The following ST6GALNAC3 variants were observed in gnomAD, a reference collection of about 807,000 sequenced individuals.
ST6GALNAC3 encodes alpha-N-acetylgalactosaminide alpha-2,6-sialyltransferase 3.
In ST6GALNAC3, 25 loss-of-function variants were observed where a neutral mutation model predicts 32.7. The observed-to-expected ratio is 0.76, with a 90% CI of 0.56 to 1.07. The LOEUF is 1.07. Ranked by LOEUF, ST6GALNAC3 falls within the 50% of genes least tolerant of loss-of-function variation. The pLI, the probability that ST6GALNAC3 is intolerant of heterozygous loss-of-function variation, is 0.00. For missense variants in ST6GALNAC3, 355 were observed against 382.4 expected (o/e 0.93, Z 0.60); for synonymous variants, 129 against 133.1 (o/e 0.97, Z 0.21).
intron 3 of ST6GALNAC3, among the ~76,000 whole-genome samples, chr1:76,449,442 G>GA (rs1657228159): frequency 6.6e-6 from 1 of 152,182 alleles, no homozygotes; most frequent in Non-Finnish European, 1.5e-5. Flanking sequence ...AAATACTAAA[G>GA]AATACAATTG....
At chr1:76,485,036 A>G (rs935449012) in intron 3 of ST6GALNAC3, among the ~76,000 whole-genome samples, 1 of 152,054 alleles carries the variant, frequency 6.6e-6, no homozygotes, top group African/African-American at 2.4e-5. Flanking sequence ...ATTGATTTGC[A>G]TACGTCAAAC....
chr1:76,591,319 C>T (rs1338254133), intron 3 of ST6GALNAC3, among the ~76,000 whole-genome samples: 2 of 151,972 alleles, frequency 1.3e-5, no homozygotes, highest in East Asian at 3.9e-4. Context: ...CTGTTAGCCT[C>T]CCTTCCAGTT....
chr1:76,449,904 G>C (rs546733761), intron 3 of ST6GALNAC3, among the ~76,000 whole-genome samples: 1 of 152,002 alleles, frequency 6.6e-6, no homozygotes. Flanking sequence ...TAAGATTTTG[G>C]TGCACCCATC....
chr1:76,570,274 C>A (rs1271303827), intron 3 of ST6GALNAC3, among the ~76,000 whole-genome samples: 1 of 151,946 alleles, frequency 6.6e-6, no homozygotes, highest in Non-Finnish European at 1.5e-5. Context: ...TGGTAATGGA[C>A]AATTCTTCAC....
chr1:76,316,363 G>A (rs143071972), intron 2 of ST6GALNAC3, among the ~76,000 whole-genome samples: 108 of 152,116 alleles, frequency 7.1e-4, no homozygotes, highest in African/African-American at 2.3e-3. Context: ...CCTAGTAGCC[G>A]GAACCTAGAA....
intron 1 of ST6GALNAC3, among the ~76,000 whole-genome samples, chr1:76,264,886 G>A (rs1011585048): frequency 6.7e-5 from 10 of 148,578 alleles, no homozygotes; most frequent in African/African-American, 2.3e-4. Context: ...ATGCTTGACT[G>A]TAACTCTAGT....
At chr1:76,212,957 T>C (rs917547877) in intron 1 of ST6GALNAC3, among the ~76,000 whole-genome samples, 4 of 152,226 alleles carry the variant, frequency 2.6e-5, no homozygotes, top group Admixed American at 2.6e-4. Flanking sequence ...CGTTCTGTGC[T>C]GGAAACATTT....
intron 1 of ST6GALNAC3, among the ~76,000 whole-genome samples, chr1:76,298,693 C>T (rs769927232): frequency 1.1e-4 from 16 of 151,994 alleles, no homozygotes; most frequent in Non-Finnish European, 1.9e-4. Flanking sequence ...AAGTCCCTAA[C>T]GTATTTTGAT....
At chr1:76,406,341 G>A (rs963083506) in intron 2 of ST6GALNAC3, among the ~76,000 whole-genome samples, 3 of 152,030 alleles carry the variant, frequency 2.0e-5, no homozygotes, top group Non-Finnish European at 2.9e-5. Flanking sequence ...AATATCATCT[G>A]CCATGGTCTT....
intron 3 of ST6GALNAC3, among the ~76,000 whole-genome samples, chr1:76,616,680 A>G (rs1164007334): frequency 2.0e-5 from 3 of 152,172 alleles, no homozygotes; most frequent in African/African-American, 7.2e-5. Flanking sequence ...CTGCAGATCC[A>G]TATGTCAGTT....
intron 3 of ST6GALNAC3, among the ~76,000 whole-genome samples, chr1:76,472,799 G>A (rs1659117975): frequency 6.6e-6 from 1 of 152,074 alleles, no homozygotes; most frequent in South Asian, 2.1e-4. Context: ...TACTTTTGAA[G>A]CTTAATTATG....
chr1:76,181,311 A>G (rs1240799949), intron 1 of ST6GALNAC3, among the ~76,000 whole-genome samples: 1 of 152,200 alleles, frequency 6.6e-6, no homozygotes, highest in Non-Finnish European at 1.5e-5. Context: ...ACTGGCTTTA[A>G]TCCTGTGTGA....
intron 2 of ST6GALNAC3, among the ~76,000 whole-genome samples, chr1:76,407,672 TG>T (rs1392279052): frequency 2.0e-5 from 3 of 151,858 alleles, no homozygotes; most frequent in African/African-American, 7.3e-5. Flanking sequence ...AAGACAAGTT[TG>T]TTTTTAATGA....
intron 1 of ST6GALNAC3, among the ~76,000 whole-genome samples, chr1:76,188,048 A>G (rs1175725826): frequency 6.6e-6 from 1 of 152,148 alleles, no homozygotes; most frequent in African/African-American, 2.4e-5. Context: ...CAGCCTATGA[A>G]TAGATATAAG....
At chr1:76,542,473 G>C (rs1664048269) in intron 3 of ST6GALNAC3, among the ~76,000 whole-genome samples, 1 of 152,136 alleles carries the variant, frequency 6.6e-6, no homozygotes, top group Non-Finnish European at 1.5e-5. Context: ...GAAATTGCCT[G>C]GTTTAACTAG....
chr1:76,150,909 A>G (rs893426503), intron 1 of ST6GALNAC3, among the ~76,000 whole-genome samples: 4 of 152,126 alleles, frequency 2.6e-5, no homozygotes, highest in African/African-American at 9.7e-5. Context: ...CCGGGTCTTG[A>G]TAGAGCTAGC....
intron 3 of ST6GALNAC3, among the ~76,000 whole-genome samples, chr1:76,472,653 A>G (rs1571340190): frequency 6.6e-6 from 1 of 152,276 alleles, no homozygotes; most frequent in East Asian, 1.9e-4. Flanking sequence ...TAAAAATAGA[A>G]CTATCTCAAG....
intron 1 of ST6GALNAC3, among the ~76,000 whole-genome samples, chr1:76,124,514 T>A (rs1328230173): frequency 6.6e-6 from 1 of 152,162 alleles, no homozygotes. Flanking sequence ...CGACTGCATA[T>A]TAAAAAGCTG....
chr1:76,618,095 G>GTAA (rs1431825140), intron 3 of ST6GALNAC3, among the ~76,000 whole-genome samples: 1 of 152,164 alleles, frequency 6.6e-6, no homozygotes, highest in Non-Finnish European at 1.5e-5. Context: ...ATGTTACTAT[G>GTAA]TAATTGCAAT....
Sources: gnomAD v4.1 joint callset for allele counts (sites outside exome capture counted in the v4.1 genomes callset) on GRCh38, gnomAD v4.1.1 for gene constraint, MANE v1.5 for transcripts, NCBI Gene and HGNC (gene_info 2026-07-23, HGNC 2026-07-21) for gene names.